Variants in LAMB4 observed in about 807,000 individuals in gnomAD.
The protein encoded by LAMB4 is laminin subunit beta-4.
Under a neutral mutation model 199.2 loss-of-function variants are expected in LAMB4, and 196 were observed. The observed-to-expected ratio is 0.98, with a 90% CI of 0.88 to 1.11. The LOEUF is 1.11. Among genes scored for constraint, LAMB4 ranks in the 50% least tolerant of loss-of-function variants. The pLI is 0.00. For missense variants in LAMB4, 2,080 were observed against 2,171.2 expected, an observed-to-expected ratio of 0.96 and a Z score of 0.83; for synonymous variants, 744 against 770.6, an observed-to-expected ratio of 0.97 and a Z score of 0.57.
chr7:108,018,950 G>C (rs1442380294), downstream of LAMB4, among the ~76,000 whole-genome samples: 1 of 152,136 alleles, frequency 6.6e-6, no homozygotes, highest in African/African-American at 2.4e-5. Context: ...CAGTCAACCA[G>C]GGACCTGTTT....
intron 8 of LAMB4, among the ~76,000 whole-genome samples, chr7:108,105,459 A>T (rs545679363): frequency 1.3e-5 from 2 of 152,346 alleles, no homozygotes; most frequent in Non-Finnish European, 2.9e-5. Flanking sequence ...TTGCAATTAA[A>T]AGTGTTGGCA....
At chr7:108,068,637 T>C (rs893503765) in intron 18 of LAMB4, among the ~76,000 whole-genome samples, 18 of 151,826 alleles carry the variant, frequency 1.2e-4, no homozygotes, top group Non-Finnish European at 2.4e-4. Context: ...GCATCCCAAG[T>C]AGCTAGGGCT....
chr7:108,067,343 A>C (rs997695376), intron 19 of LAMB4, among the ~76,000 whole-genome samples: 1 of 152,246 alleles, frequency 6.6e-6, no homozygotes, highest in Non-Finnish European at 1.5e-5. Flanking sequence ...CTTGGAAAGG[A>C]AATTAACCTA....
rs10242224 is a variant in LAMB4, at chr7:108,092,223, A to T, written c.1550+114T>A. The T allele has an allele frequency of 1.0e-3, 773 of 753,600 alleles. 1 individual carries two copies. The African/African-American group carries it at 0.013, about 12-fold the overall frequency. 46.7% of individuals were successfully genotyped at this position (753,600 alleles called of 1,614,324 possible). A position where few individuals can be genotyped will look rare whatever the true frequency, so the allele number is the denominator to read the frequency against. ...TCAATGGGCTGTAGTTAATGTCTCA[A>T]GATCATTGCTTGTCATGGAATGAAA... is the stretch of plus-strand genomic sequence containing the variant. On this transcript the variant is annotated intron_variant, in intron 13 of 33. Coordinates refer to ENST00000388781, the MANE Select transcript of LAMB4 (RefSeq NM_007356.3).
chr7:108,033,788 T>A (rs1378414634), intron 31 of LAMB4, among the ~76,000 whole-genome samples: 1 of 150,340 alleles, frequency 6.7e-6, no homozygotes, highest in East Asian at 2.0e-4. Flanking sequence ...TGAGATTTCA[T>A]GCACATTTAA....
At chr7:108,062,237 T>C (rs1381622640) in intron 23 of LAMB4, among the ~76,000 whole-genome samples, 1 of 152,226 alleles carries the variant, frequency 6.6e-6, no homozygotes, top group East Asian at 1.9e-4. Context: ...GTATTAGTTG[T>C]ATATGAAACA....
At chr7:108,099,155 AAG>A (rs2037732321) in intron 10 of LAMB4, among the ~76,000 whole-genome samples, 1 of 152,208 alleles carries the variant, frequency 6.6e-6, no homozygotes, top group South Asian at 2.1e-4. Context: ...AAACACCTGT[AAG>A]AAGGAAAGGG....
intron 14 of LAMB4, among the ~76,000 whole-genome samples, chr7:108,080,257 A>G: frequency 6.6e-6 from 1 of 152,188 alleles, no homozygotes; most frequent in South Asian, 2.1e-4. Flanking sequence ...CTCTTCTTCT[A>G]TCTGCTTGGG....
At chr7:108,118,224 G>A (rs2150687725) in intron 2 of LAMB4, among the ~76,000 whole-genome samples, 1 of 152,070 alleles carries the variant, frequency 6.6e-6, no homozygotes, top group Admixed American at 6.5e-5. Flanking sequence ...CCAAATCTAA[G>A]CTCTAGTTTT....
chr7:108,025,444 T>TCTTTCTTTGTTTCTTTTTTC (rs1563024896), intron 33 of LAMB4, among the ~76,000 whole-genome samples: 1 of 118,562 alleles, frequency 8.4e-6, no homozygotes, highest in African/African-American at 6.7e-5. Context: ...TTTTTTTTTT[T>TCTTTCTTTGTTTCTTTTTTC]TGAGACAGAG....
At chr7:108,043,547 T>G (rs867064521) in intron 29 of LAMB4, among the ~76,000 whole-genome samples, 143 of 4,260 alleles carry the variant, frequency 0.034, 9 homozygotes, top group African/African-American at 0.17. Context: ...GCTATGATGT[T>G]TTTTTTTTTT....
intron 4 of LAMB4, 98 bp downstream of exon 4, chr7:108,111,713 T>C: frequency 9.5e-7 from 1 of 1,053,606 alleles, no homozygotes; most frequent in Non-Finnish European, 1.4e-6. Flanking sequence ...CATTCCAATA[T>C]AATACTTTGC....
intron 19 of LAMB4, 36 bp from the exon 20 acceptor site, chr7:108,066,636 A>G (rs745625678): frequency 2.2e-6 from 3 of 1,371,062 alleles, no homozygotes; most frequent in Non-Finnish European, 3.1e-6. Context: ...TGGAGCGGGG[A>G]TGAGTGGTGT....
Position 108,047,908 on chromosome 7 carries a change from C to T in LAMB4, c.4326G>A (p.Gln1442=), listed in dbSNP as rs965365098. 1.2e-5 allele frequency: 19 copies of T among 1,612,026 alleles called. No homozygotes were observed. Among genetic ancestry groups the T allele is most frequent in the Non-Finnish European group, 1.5e-5 (18 of 1,178,138 alleles). Residue 1442 remains glutamine (Q), a splice_region_variant and synonymous_variant, in exon 28 of 34, where the codon CAG becomes CAA. Coordinates refer to ENST00000388781, the MANE Select transcript of LAMB4 (RefSeq NM_007356.3). ...AAATAAAGCAAGAGAAGATATTTAC[C>T]TGATTTTTCAACCCACGAACCTGTT... The part of the protein sequence containing the change: ...LDKQVRGLKN[Q]IESISEQAEV...
At chr7:108,082,193 G>A (rs1322808970) in intron 14 of LAMB4, among the ~76,000 whole-genome samples, 2 of 152,074 alleles carry the variant, frequency 1.3e-5, no homozygotes, top group Admixed American at 6.5e-5. Flanking sequence ...AGCTAGGCAC[G>A]GTGGTGCGCA....
intron 9 of LAMB4, among the ~76,000 whole-genome samples, chr7:108,104,061 C>G (rs991696328): frequency 6.6e-6 from 1 of 152,174 alleles, no homozygotes; most frequent in Non-Finnish European, 1.5e-5. Context: ...AATACAATGG[C>G]CTGTCAAACT....
chr7:108,087,333 G>A (rs1056531769), intron 14 of LAMB4, among the ~76,000 whole-genome samples: 3 of 152,120 alleles, frequency 2.0e-5, no homozygotes, highest in African/African-American at 7.2e-5. Context: ...CACTTGAGAA[G>A]GTCTCTTATG....
chr7:108,058,876 C>G (rs539439245), intron 23 of LAMB4, among the ~76,000 whole-genome samples: 1 of 152,012 alleles, frequency 6.6e-6, no homozygotes, highest in Non-Finnish European at 1.5e-5. Flanking sequence ...AGGCTGGTCT[C>G]GAACTCCTGA....
At chr7:108,017,464 A>C in the LAMB4 span, among the ~76,000 whole-genome samples, 1 of 152,246 alleles carries the variant, frequency 6.6e-6, no homozygotes, top group Non-Finnish European at 1.5e-5. Flanking sequence ...CTGTCTTCTC[A>C]TAAAATTGGA....
Sources: allele counts gnomAD v4.1 joint callset (sites outside exome capture counted in the v4.1 genomes callset), GRCh38; gene constraint gnomAD v4.1.1; transcripts MANE v1.5; gene names NCBI Gene and HGNC (gene_info 2026-07-23, HGNC 2026-07-21).